TMPRSS2: variants seen among roughly 807,000 people sequenced by gnomAD.
TMPRSS2 encodes transmembrane serine protease 2, also known as transmembrane protease serine 2.
Under a neutral mutation model 67.4 loss-of-function variants are expected in TMPRSS2, and 59 were observed. The observed-to-expected ratio is 0.88, with a 90% CI of 0.71 to 1.09. The LOEUF (loss-of-function observed/expected upper bound fraction) is 1.09, where lower values mean the gene tolerates loss of function less well. TMPRSS2 is among the 50% of genes least tolerant of loss of function. TMPRSS2 has a pLI of 0.00. For missense variants in TMPRSS2, 668 were observed against 642.7 expected, an observed-to-expected ratio of 1.04 and a Z score of -0.43; for synonymous variants, 257 against 257.0, an observed-to-expected ratio of 1.00 and a Z score of 0.00.
chr21:41,494,416 C>G lies in TMPRSS2; in HGVS notation c.178G>C (p.Ala60Pro), dbSNP rs1266959483. 6.2e-7 allele frequency: 1 copy of G among 1,611,706 alleles called. No homozygotes were observed. Among genetic ancestry groups the G allele is most frequent in the South Asian group, 1.1e-5 (1 of 90,698 alleles). The change falls in exon 3 of 14, where the codon GCT becomes CCT. Residue 60 changes from alanine (A) to proline (P), a missense_variant. Ala to Pro is a conservative substitution (Grantham distance 27). Transcript: ENST00000332149. Reference protein sequence around the residue: ...PQYAPRVLTQASNPVVCTQPK... With the variant: ...PQYAPRVLTQPSNPVVCTQPK... ...TGCGTGCAGACGACGGGGTTGGAAG[C>G]CTGCGTCAGGACCCTCGGGGCGTAC...
intron 1 of TMPRSS2, among the ~76,000 whole-genome samples, chr21:41,507,154 A>C (rs1460988239): frequency 6.6e-6 from 1 of 152,058 alleles, no homozygotes; most frequent in Non-Finnish European, 1.5e-5. Flanking sequence ...CGGCGCACAA[A>C]CTTTCTGGAC....
Position 41,508,080 on chromosome 21 carries a change from C to G in TMPRSS2, c.-57+1G>C. The G allele has an allele frequency of 7.9e-7, 1 of 1,269,860 alleles. No homozygotes were observed. Among genetic ancestry groups the G allele is most frequent in the Non-Finnish European group, 1.0e-6 (1 of 1,000,478 alleles). The allele number at this position is 1,269,860 out of a possible 1,614,324, so 78.7% of individuals were successfully genotyped here. A position where few individuals can be genotyped will look rare whatever the true frequency, so the allele number is the denominator to read the frequency against. ...GGGACCCTGGTACCGGCGCCGCTCA[C>G]CTGCCGCGCTCCAGGCGGCGCTCCC... is the stretch of plus-strand genomic sequence containing the variant. On this transcript the variant is annotated splice_donor_variant, in intron 1 of 13. Transcript: ENST00000332149. LOFTEE classifies it low-confidence loss of function (5UTR_SPLICE).
Position 41,480,570 on chromosome 21 carries a change from C to A in TMPRSS2, c.478G>T (p.Val160Leu). 1 of 1,613,554 alleles carries A rather than the reference C, an allele frequency of 6.2e-7. No homozygotes were observed. The highest frequency in any genetic ancestry group is 1.1e-5 in the South Asian group (1 of 91,076). The change falls in exon 6 of 14, where the codon GTG becomes TTG. Residue 160 changes from valine to leucine, a missense_variant. By Grantham distance (32) the Val-to-Leu change is conservative. Transcript: ENST00000332149. ...CAGGACTTCCTCTGAGATGAGTACACCTGAAGGATGAAGTTTGGTCCGTAG... is the reference window on the plus strand; with the variant it reads ...CAGGACTTCCTCTGAGATGAGTACAACTGAAGGATGAAGTTTGGTCCGTAG... ...RLYGPNFILQ[V>L]YSSQRKSWHP...
rs763289267 is a variant in TMPRSS2, at chr21:41,489,456, GCA to G, written c.325+49_325+50del. The G allele has an allele frequency of 9.2e-6, 14 of 1,519,132 alleles. No homozygotes were observed. In the African/African-American group the frequency reaches 1.9e-4, roughly 21 times the overall value. 94.1% of individuals were successfully genotyped at this position (1,519,132 alleles called of 1,614,324 possible). On this transcript the variant is annotated intron_variant, in intron 4 of 13. Transcript: ENST00000332149. Reference sequence around the variant, plus strand: ...CCCAGAGAGCAGGGTCTGGCTCAGAGCACTGGGGACTGCAGGAGCACATGGTG... The same window carrying G: ...CCCAGAGAGCAGGGTCTGGCTCAGAGCTGGGGACTGCAGGAGCACATGGTG...
chr21:41,504,099 A>G (rs2091441409), intron 1 of TMPRSS2, among the ~76,000 whole-genome samples: 1 of 152,240 alleles, frequency 6.6e-6, no homozygotes, highest in South Asian at 2.1e-4. Flanking sequence ...CCTCGCTTGA[A>G]AATATTTTTC....
chr21:41,471,598 TACAGA>T (rs1266800181), intron 10 of TMPRSS2, among the ~76,000 whole-genome samples: 1 of 152,144 alleles, frequency 6.6e-6, no homozygotes, highest in Non-Finnish European at 1.5e-5. Context: ...CTCAGTACAG[TACAGA>T]ACAGATGTGG....
intron 5 of TMPRSS2, among the ~76,000 whole-genome samples, chr21:41,485,081 C>CGTGTGTGT (rs10668560): frequency 5.5e-4 from 77 of 140,360 alleles, no homozygotes; most frequent in South Asian, 9.5e-4. Flanking sequence ...GGGAGTGATG[C>CGTGTGTGT]GTGTGTGTGT....
At chr21:41,487,986 T>G in intron 5 of TMPRSS2, 1 of 159,642 alleles carries the variant, frequency 6.3e-6, no homozygotes, top group Non-Finnish European at 1.4e-5. Context: ...GGAGATAAGG[T>G]TTCACCATAT....
At chr21:41,473,844 A>C (rs1336289954) in intron 8 of TMPRSS2, among the ~76,000 whole-genome samples, 1 of 148,358 alleles carries the variant, frequency 6.7e-6, no homozygotes, top group Admixed American at 6.7e-5. Context: ...AAGAAAAGGA[A>C]GATGGGAGGG....
chr21:41,490,207 TA>T (rs760337568), intron 3 of TMPRSS2, among the ~76,000 whole-genome samples: 2,023 of 135,298 alleles, frequency 0.015, 16 homozygotes, highest in African/African-American at 0.029. Context: ...ATGATTAATG[TA>T]AAAAAAAAAA....
intron 1 of TMPRSS2, among the ~76,000 whole-genome samples, chr21:41,498,959 G>A (rs1211314024): frequency 6.6e-6 from 1 of 152,100 alleles, no homozygotes; most frequent in Non-Finnish European, 1.5e-5. Context: ...CAATCAGACC[G>A]TCTTTCCCCG....
At chr21:41,483,252 A>G (rs1197246931) in intron 5 of TMPRSS2, among the ~76,000 whole-genome samples, 3 of 152,006 alleles carry the variant, frequency 2.0e-5, no homozygotes, top group Admixed American at 6.6e-5. Context: ...TCTAAAATAT[A>G]AAGTCTGTTC....
rs1043149000 is a variant in TMPRSS2 at position 41,497,044 on chromosome 21, T to G, written c.15+1075A>C. On this transcript the variant is annotated intron_variant, in intron 2 of 13. Coordinates refer to ENST00000332149, the MANE Select transcript of TMPRSS2 (RefSeq NM_005656.4). ...TTAGTAGAGACGGGGTTTCTCCATA[T>G]TTGTCAGGCTGGTCTCGAACTCCCA... Among the ~76,000 whole-genome samples, 3 of 151,962 alleles carry G rather than the reference T, an allele frequency of 2.0e-5. No individual in the cohort carries two copies. In the East Asian group the frequency reaches 5.8e-4, roughly 29 times the overall value.
chr21:41,473,134 C>T (rs1164871279), intron 9 of TMPRSS2, among the ~76,000 whole-genome samples, 191 bp downstream of exon 9: 1 of 152,194 alleles, frequency 6.6e-6, no homozygotes, highest in African/African-American at 2.4e-5. Flanking sequence ...AGGGGACACT[C>T]AGTGCATACA....
At chr21:41,502,564 A>T (rs1851032736) in intron 1 of TMPRSS2, 1 of 985,326 alleles carries the variant, frequency 1.0e-6, no homozygotes, top group Non-Finnish European at 1.2e-6. Flanking sequence ...CATCAAAAAG[A>T]GCCCTTTATG....
Position 41,470,685 on chromosome 21 carries a change from G to C in TMPRSS2, c.1134C>G (p.Leu378=). ...TGGCCCCCCACCCGGAAATCCAGCA[G>C]AGCTGTTCTGGCTGCAGCATCATGC... ...NPGMMLQPEQ[L]CWISGWGATE... Residue 378 remains leucine, a synonymous_variant, in exon 11 of 14, where the codon CTC becomes CTG. Coordinates refer to ENST00000332149, the MANE Select transcript of TMPRSS2 (RefSeq NM_005656.4). 2 of 1,613,660 alleles carry C rather than the reference G, an allele frequency of 1.2e-6. No individual in the cohort carries two copies.
Position 41,465,339 on chromosome 21 carries a change from G to A in TMPRSS2, c.*803C>T. ...GCAGGCCTGAAGAGGCCAACATGGT[G>A]CCAGACTTGGCGCCCTGCCAGGACC... On this transcript the variant is annotated 3_prime_UTR_variant, in exon 14 of 14. Coordinates refer to ENST00000332149, the MANE Select transcript of TMPRSS2 (RefSeq NM_005656.4). 4.3e-6 allele frequency: 1 copy of A among 233,702 alleles called. No homozygotes were observed. Among genetic ancestry groups the A allele is most frequent in the Non-Finnish European group, 8.5e-6 (1 of 118,056 alleles). The allele number at this position is 233,702 out of a possible 1,614,324, so 14.5% of individuals were successfully genotyped here. A position where few individuals can be genotyped will look rare whatever the true frequency, so the allele number is the denominator to read the frequency against.
At chr21:41,480,432 T>A (rs1182629781) in intron 6 of TMPRSS2, 44 bp downstream of exon 6, 2 of 1,601,506 alleles carry the variant, frequency 1.2e-6, no homozygotes, top group Non-Finnish European at 8.5e-7. Context: ...CTCGTGTTTC[T>A]GCTGTCTGTT....
intron 13 of TMPRSS2, among the ~76,000 whole-genome samples, chr21:41,466,675 T>C (rs2091087332): frequency 6.6e-6 from 1 of 152,184 alleles, no homozygotes; most frequent in Admixed American, 6.5e-5. Flanking sequence ...CGCGTGTCAT[T>C]TGAAGGAGAC....
Sources: allele counts gnomAD v4.1 joint callset (sites outside exome capture counted in the v4.1 genomes callset), GRCh38; gene constraint gnomAD v4.1.1; transcripts MANE v1.5; gene names NCBI Gene and HGNC (gene_info 2026-07-23, HGNC 2026-07-21).